The following CAST variants were observed in gnomAD, a reference collection of about 807,000 sequenced individuals.
The protein encoded by CAST is calpastatin, also known as MIR583 host.
Under a neutral mutation model 119.6 loss-of-function variants are expected in CAST, and 76 were observed. The observed-to-expected ratio is 0.64, with a 90% confidence interval of 0.53 to 0.77. CAST has a LOEUF of 0.77. CAST is among the 30% of genes least tolerant of loss of function. CAST has a pLI of 0.00. For synonymous variants in CAST, 319 were observed against 331.6 expected, an observed-to-expected ratio of 0.96 and a Z score of 0.41; for missense variants, 953 against 946.5, an observed-to-expected ratio of 1.01 and a Z score of -0.09.
At chr5:96,137,576 C>T in the CAST span, among the ~76,000 whole-genome samples, 1 of 152,040 alleles carries the variant, frequency 6.6e-6, no homozygotes, top group Non-Finnish European at 1.5e-5. Context: ...TTGTAAAAAG[C>T]TGCCAAAATG....
At chr5:96,068,920 G>C in the CAST span, among the ~76,000 whole-genome samples, 2 of 137,080 alleles carry the variant, frequency 1.5e-5, no homozygotes, top group East Asian at 2.2e-4. Flanking sequence ...TATGGCTCTT[G>C]GTTTACATGT....
intron 3 of CAST, among the ~76,000 whole-genome samples, chr5:96,720,040 A>T (rs576752150): frequency 6.6e-6 from 1 of 152,194 alleles, no homozygotes; most frequent in South Asian, 2.1e-4. Context: ...ATTTCTACTA[A>T]TGCCATCTTT....
At chr5:96,279,337 G>C in the CAST span, among the ~76,000 whole-genome samples, 1 of 152,164 alleles carries the variant, frequency 6.6e-6, no homozygotes, top group Non-Finnish European at 1.5e-5. Flanking sequence ...GCCAGCTGCG[G>C]ATCTGAAGAT....
At chr5:96,027,036 C>A in the CAST span, among the ~76,000 whole-genome samples, 1 of 151,970 alleles carries the variant, frequency 6.6e-6, no homozygotes, top group African/African-American at 2.4e-5. Flanking sequence ...CATAGTGAGA[C>A]CCTGTCTCTA....
the CAST span, among the ~76,000 whole-genome samples, chr5:96,331,214 G>A: frequency 6.6e-6 from 1 of 152,300 alleles, no homozygotes; most frequent in East Asian, 1.9e-4. Flanking sequence ...AGGACCAGGG[G>A]AAGAGACTAA....
At chr5:96,411,093 C>T in the CAST span, 1 of 844,202 alleles carries the variant, frequency 1.2e-6, no homozygotes, top group Non-Finnish European at 2.1e-6. Flanking sequence ...TCAGAGACAG[C>T]TATTTGGGAT....
the CAST span, among the ~76,000 whole-genome samples, chr5:96,090,171 C>T: frequency 6.6e-6 from 1 of 152,176 alleles, no homozygotes; most frequent in East Asian, 1.9e-4. Context: ...CCTTGCAAGG[C>T]TTCAGGTTGT....
the CAST span, among the ~76,000 whole-genome samples, chr5:96,252,352 T>C: frequency 6.6e-6 from 1 of 152,156 alleles, no homozygotes; most frequent in African/African-American, 2.4e-5. Flanking sequence ...ATAGTATTCA[T>C]TCAGTTAGTA....
the CAST span, among the ~76,000 whole-genome samples, chr5:96,355,729 G>A: frequency 2.0e-5 from 3 of 151,524 alleles, no homozygotes; most frequent in Non-Finnish European, 2.9e-5. Flanking sequence ...TTGAGACGGC[G>A]TCTTGCTGTG....
chr5:96,077,353 TTCTC>T, the CAST span, among the ~76,000 whole-genome samples: 2 of 152,218 alleles, frequency 1.3e-5, no homozygotes. Flanking sequence ...CTGTATAACT[TTCTC>T]TGCAATTTTA....
At chr5:96,024,146 C>G in the CAST span, among the ~76,000 whole-genome samples, 509 of 152,180 alleles carry the variant, frequency 3.3e-3, 4 homozygotes, top group East Asian at 3.3e-3. Context: ...TTATCAGTCT[C>G]CACCTGTTTG....
the CAST span, among the ~76,000 whole-genome samples, chr5:96,512,667 T>G: frequency 6.6e-6 from 1 of 152,314 alleles, no homozygotes; most frequent in African/African-American, 2.4e-5. Flanking sequence ...TAGTCTTTTA[T>G]TACTACCTCA....
chr5:96,192,441 A>T, the CAST span, among the ~76,000 whole-genome samples: 1 of 152,236 alleles, frequency 6.6e-6, no homozygotes, highest in Non-Finnish European at 1.5e-5. Context: ...GGCCCAGACA[A>T]ATCACATTTT....
chr5:96,428,682 G>T, the CAST span, among the ~76,000 whole-genome samples: 1 of 152,110 alleles, frequency 6.6e-6, no homozygotes, highest in Admixed American at 6.5e-5. Flanking sequence ...TGGATTTACA[G>T]TTCTCTCATA....
At chr5:96,298,526 A>G in the CAST span, among the ~76,000 whole-genome samples, 3 of 152,202 alleles carry the variant, frequency 2.0e-5, no homozygotes, top group Non-Finnish European at 2.9e-5. Context: ...AAGTCCAAAT[A>G]AGTTATTAAA....
At position 96,767,994 on chromosome 5, in the gene CAST, G is replaced by A; in HGVS notation, c.2263G>A (p.Ala755Thr). The A allele has an allele frequency of 3.1e-6, 5 of 1,601,482 alleles. No individual in the cohort carries two copies. Among genetic ancestry groups the A allele is most frequent in the Non-Finnish European group, 4.3e-6 (5 of 1,168,716 alleles). Reference sequence around the variant, plus strand: ...CACTACAGAAACCTCACAGAACACAGCAAAGGTACTGTGCTTTTTCACATT... The same window carrying A: ...CACTACAGAAACCTCACAGAACACAACAAAGGTACTGTGCTTTTTCACATT... ...PSTTETSQNTAKDKCKKAASS... is the reference protein window; with the variant it reads ...PSTTETSQNTTKDKCKKAASS... Residue 755 changes from alanine (A) to threonine (T), a missense_variant, in exon 29 of 32, where the codon GCA (alanine) becomes ACA (threonine). By Grantham distance (58) the Ala-to-Thr change is moderately conservative. Transcript: ENST00000675179.
chr5:96,101,363 A>G, the CAST span, among the ~76,000 whole-genome samples: 2 of 152,244 alleles, frequency 1.3e-5, no homozygotes, highest in Non-Finnish European at 2.9e-5. Flanking sequence ...GAGACAACAC[A>G]TGTGAGATAT....
chr5:96,458,253 A>G, the CAST span, among the ~76,000 whole-genome samples: 1 of 152,236 alleles, frequency 6.6e-6, no homozygotes, highest in Non-Finnish European at 1.5e-5. Context: ...ATTGGAATGC[A>G]GCCACACTCA....
chr5:96,264,998 A>G, the CAST span, among the ~76,000 whole-genome samples: 1 of 152,198 alleles, frequency 6.6e-6, no homozygotes, highest in African/African-American at 2.4e-5. Context: ...CGGTCCATGT[A>G]TTTAGGTGAA....
Sources: allele counts gnomAD v4.1 joint callset (sites outside exome capture counted in the v4.1 genomes callset), GRCh38; gene constraint gnomAD v4.1.1; transcripts MANE v1.5; gene names NCBI Gene and HGNC (gene_info 2026-07-23, HGNC 2026-07-21).